The following ABHD18 variants were observed in gnomAD, a reference collection of about 807,000 sequenced individuals.
ABHD18 encodes abhydrolase domain containing 18.
A neutral mutation model predicts 65.9 loss-of-function variants in ABHD18; 55 were observed. The ratio of observed to expected loss-of-function variants is 0.84; its 90% CI spans 0.67 to 1.05. The LOEUF is 1.05. Among genes scored for constraint, ABHD18 ranks in the 50% least tolerant of loss-of-function variants. ABHD18 has a pLI of 0.00. For synonymous variants in ABHD18, 181 were observed against 180.2 expected, an observed-to-expected ratio of 1.00 and a Z score of -0.04; for missense variants, 533 against 558.5, an observed-to-expected ratio of 0.95 and a Z score of 0.46.
Position 127,989,757 on chromosome 4 carries a change from C to A in ABHD18, c.214C>A (p.His72Asn), listed in dbSNP as rs1275435894. 1.9e-6 allele frequency: 3 copies of A among 1,601,868 alleles called. No homozygotes were observed. ...ATCAGATTGTAAGATCTTAGATGGA[C>A]ACTTTGTTTCCCCCATGGCTCACTA... ...EQSDCKILDG[H>N]FVSPMAHYVP... The change falls in exon 4 of 13, where the codon CAC becomes AAC. Residue 72 changes from histidine to asparagine, a missense_variant. This residue lies in a region of ABHD18 where 309 missense variants were observed against 313.5 expected (regional missense o/e 0.99). Coordinates refer to ENST00000645843, the MANE Select transcript of ABHD18 (RefSeq NM_001358451.3).
chr4:127,983,641 G>A (rs368161051), intron 2 of ABHD18, among the ~76,000 whole-genome samples: 1 of 152,090 alleles, frequency 6.6e-6, no homozygotes, highest in African/African-American at 2.4e-5. Context: ...CAAGGCAGGC[G>A]GATCACGAGG....
Position 127,989,748 on chromosome 4 carries a change from T to C in ABHD18, c.205T>C (p.Leu69=), listed in dbSNP as rs779869851. 5.0e-6 allele frequency: 8 copies of C among 1,600,206 alleles called. No homozygotes were observed. Among genetic ancestry groups the C allele is most frequent in the Non-Finnish European group, 6.8e-6 (8 of 1,173,276 alleles). The stretch of plus-strand genomic sequence containing the variant: ...TGAAGAGCAATCAGATTGTAAGATC[T>C]TAGATGGACACTTTGTTTCCCCCAT... The part of the protein sequence containing the change: ...KIEEQSDCKI[L]DGHFVSPMAH... Residue 69 remains leucine (L), a synonymous_variant, in exon 4 of 13, where the codon TTA becomes CTA. Transcript: ENST00000645843.
intron 10 of ABHD18, among the ~76,000 whole-genome samples, chr4:128,022,802 C>T (rs1190156859): frequency 1.4e-5 from 2 of 146,466 alleles, no homozygotes; most frequent in East Asian, 4.1e-4. Flanking sequence ...CTTGCTGTGT[C>T]GCCCAGGCTG....
intron 10 of ABHD18, among the ~76,000 whole-genome samples, chr4:128,025,645 A>G (rs1757230273): frequency 6.6e-6 from 1 of 152,204 alleles, no homozygotes; most frequent in African/African-American, 2.4e-5. Context: ...ATTCCTAGAA[A>G]TATGATTGCT....
chr4:128,009,815 G>A (rs1252036230), intron 6 of ABHD18, among the ~76,000 whole-genome samples: 7 of 152,110 alleles, frequency 4.6e-5, no homozygotes, highest in Non-Finnish European at 2.9e-5. Context: ...TTGATTCTGG[G>A]AAATTTATTC....
At chr4:127,985,999 G>A (rs1466653092) in intron 3 of ABHD18, among the ~76,000 whole-genome samples, 1 of 152,020 alleles carries the variant, frequency 6.6e-6, no homozygotes, top group Non-Finnish European at 1.5e-5. Flanking sequence ...TGGCAACAGA[G>A]CTAGACTCCG....
chr4:128,011,750 C>A, intron 7 of ABHD18, 50 bp downstream of exon 7: 2 of 1,433,764 alleles, frequency 1.4e-6, no homozygotes, highest in Admixed American at 2.6e-5. Flanking sequence ...CAATATCCAG[C>A]AGTATTAAAA....
chr4:127,990,080 G>T (rs1750661780), intron 4 of ABHD18, among the ~76,000 whole-genome samples: 1 of 152,162 alleles, frequency 6.6e-6, no homozygotes, highest in African/African-American at 2.4e-5. Flanking sequence ...CCATACTGTG[G>T]ATACCATTAG....
intron 1 of ABHD18, among the ~76,000 whole-genome samples, chr4:127,982,474 T>G (rs1487659453): frequency 6.6e-6 from 1 of 152,206 alleles, no homozygotes; most frequent in Non-Finnish European, 1.5e-5. Context: ...TGTTTCCCAC[T>G]AGCTGTGTGA....
chr4:128,023,403 CAAAAAA>C lies in ABHD18; in HGVS notation c.801+2191_801+2196del, dbSNP rs59549849. ...AAATAAAGTGAGACTCTTGTCTCTA[CAAAAAA>C]AAAAAAAAAAAAAAAAAAAAAAAAA... On this transcript the variant is annotated intron_variant, in intron 10 of 12. Transcript: ENST00000645843. Among the ~76,000 whole-genome samples the C allele has an allele frequency of 8.1e-3, 363 of 45,002 alleles. 3 individuals carry two copies. Among genetic ancestry groups the C allele is most frequent in the African/African-American group, 0.032 (349 of 10,788 alleles). The allele number at this position is 45,002 out of a possible 152,430, so 29.5% of individuals were successfully genotyped here.
At chr4:128,029,107 T>C (rs527664808) in intron 11 of ABHD18, among the ~76,000 whole-genome samples, 4 of 152,034 alleles carry the variant, frequency 2.6e-5, no homozygotes, top group Admixed American at 6.6e-5. Context: ...ATCCCAGCAT[T>C]TTGGGAGGCT....
In ABHD18 at chr4:128,039,075, TACAC is replaced by T. The variant is rs940448534; in HGVS notation, c.*3269_*3272del. 8.8e-5 allele frequency: 13 copies of T among 148,032 alleles called. No individual in the cohort carries two copies. Among genetic ancestry groups the T allele is most frequent in the Non-Finnish European group, 1.3e-4 (9 of 67,342 alleles). The allele number at this position is 148,032 out of a possible 1,614,324, so 9.2% of individuals were successfully genotyped here. On this transcript the variant is annotated 3_prime_UTR_variant, in exon 13 of 13. Coordinates refer to ENST00000645843, the MANE Select transcript of ABHD18 (RefSeq NM_001358451.3). ...TATATGTATACGTTTTATATATATA[TACAC>T]ACACACGTATGTGTGTATATATATG...
At position 128,011,653 on chromosome 4, in the gene ABHD18, T is replaced by G. The variant is rs1272837598; in HGVS notation, c.443-20T>G. The G allele has an allele frequency of 6.5e-7, 1 of 1,537,880 alleles. No homozygotes were observed. Among genetic ancestry groups the G allele is most frequent in the Non-Finnish European group, 8.8e-7 (1 of 1,139,958 alleles). On this transcript the variant is annotated intron_variant, in intron 6 of 12. Transcript: ENST00000645843. ...ATTATTTAATTATTTTAAAACTTTCTCTTTGACCCACATTCTTAAATGGCT... is the reference window on the plus strand; with the variant it reads ...ATTATTTAATTATTTTAAAACTTTCGCTTTGACCCACATTCTTAAATGGCT...
At chr4:127,975,471 T>C (rs1400079554) in intron 1 of ABHD18, among the ~76,000 whole-genome samples, 1 of 152,252 alleles carries the variant, frequency 6.6e-6, no homozygotes, top group Non-Finnish European at 1.5e-5. Context: ...TGTTGTATCA[T>C]GTGCCAGAAG....
At chr4:128,011,151 T>A (rs968015313) in intron 6 of ABHD18, among the ~76,000 whole-genome samples, 71 of 137,260 alleles carry the variant, frequency 5.2e-4, no homozygotes, top group African/African-American at 1.8e-3. Flanking sequence ...TGATATATGA[T>A]TTTTTTTTTT....
chr4:128,020,929 G>A (rs1490253890), intron 9 of ABHD18, among the ~76,000 whole-genome samples: 1 of 152,070 alleles, frequency 6.6e-6, no homozygotes, highest in Non-Finnish European at 1.5e-5. Context: ...AGCTACTTGG[G>A]AGGCGGAGGC....
chr4:127,969,468 C>T (rs560029190), intron 1 of ABHD18, among the ~76,000 whole-genome samples: 14 of 151,710 alleles, frequency 9.2e-5, no homozygotes, highest in Non-Finnish European at 1.6e-4. Context: ...CAAAGGGCTG[C>T]GATTACAGGC....
chr4:128,000,790 A>C (rs371214240), intron 4 of ABHD18, among the ~76,000 whole-genome samples: 2 of 152,076 alleles, frequency 1.3e-5, no homozygotes, highest in African/African-American at 4.8e-5. Flanking sequence ...CCATTTGTTT[A>C]TGTCATCTCT....
intron 4 of ABHD18, among the ~76,000 whole-genome samples, chr4:127,994,170 T>C (rs964150124): frequency 2.0e-5 from 3 of 152,168 alleles, no homozygotes; most frequent in African/African-American, 7.2e-5. Context: ...TGGTGACAGG[T>C]TTTATAGACC....
Sources: allele counts gnomAD v4.1 joint callset (sites outside exome capture counted in the v4.1 genomes callset), GRCh38; gene constraint gnomAD v4.1.1; regional missense constraint gnomAD v4.1.1; transcripts MANE v1.5; gene names NCBI Gene and HGNC (gene_info 2026-07-23, HGNC 2026-07-21).